The following GALNT13 variants were observed in gnomAD, a reference collection of about 807,000 sequenced individuals.
GALNT13 encodes the protein polypeptide N-acetylgalactosaminyltransferase 13.
Under a neutral mutation model 64.2 loss-of-function variants are expected in GALNT13, and 28 were observed. That is an observed-to-expected ratio of 0.44 (90% CI 0.32 to 0.60). The LOEUF (loss-of-function observed/expected upper bound fraction) is 0.60. GALNT13 is among the 20% of genes least tolerant of loss of function. GALNT13 has a pLI of 0.05. For synonymous variants in GALNT13, 214 were observed against 224.6 expected (o/e 0.95, Z 0.42); for missense variants, 577 against 669.8 (o/e 0.86, Z 1.53).
chr2:153,316,438 C>T, the GALNT13 span, among the ~76,000 whole-genome samples: 2 of 151,256 alleles, frequency 1.3e-5, no homozygotes, highest in Admixed American at 6.6e-5. Context: ...GTCAGGAGAT[C>T]GAGACCATCC....
intron 12 of GALNT13, chr2:154,446,659 A>G (rs1277959300): frequency 1.3e-6 from 2 of 1,548,808 alleles, no homozygotes; most frequent in South Asian, 1.2e-5. Flanking sequence ...GAAACCTGTA[A>G]TGATAGCACT....
At chr2:153,297,370 T>C in the GALNT13 span, among the ~76,000 whole-genome samples, 6 of 152,142 alleles carry the variant, frequency 3.9e-5, no homozygotes, top group Admixed American at 2.6e-4. Context: ...GTGAGGATAA[T>C]TTAAGACACG....
At chr2:154,273,979 T>C (rs1049790590) in intron 8 of GALNT13, among the ~76,000 whole-genome samples, 8 of 151,856 alleles carry the variant, frequency 5.3e-5, no homozygotes, top group Non-Finnish European at 1.0e-4. Context: ...TATAAGAAGG[T>C]TTTTTCTCAT....
intron 9 of GALNT13, among the ~76,000 whole-genome samples, chr2:154,374,960 AAATAT>A (rs1267415566): frequency 6.6e-6 from 1 of 152,176 alleles, no homozygotes; most frequent in African/African-American, 2.4e-5. Flanking sequence ...AGGGAAATGT[AAATAT>A]AATCTATAGT....
intron 11 of GALNT13, among the ~76,000 whole-genome samples, chr2:154,428,434 C>T (rs772812092): frequency 3.3e-5 from 5 of 152,078 alleles, no homozygotes; most frequent in African/African-American, 7.2e-5. Context: ...GAAATCAAAA[C>T]CTATATGATA....
intron 9 of GALNT13, among the ~76,000 whole-genome samples, chr2:154,360,254 T>C (rs1236355132): frequency 6.6e-6 from 1 of 152,184 alleles, no homozygotes; most frequent in East Asian, 1.9e-4. Flanking sequence ...GAAATATCAT[T>C]AACATTTATA....
At chr2:153,543,569 G>A in the GALNT13 span, among the ~76,000 whole-genome samples, 1 of 152,200 alleles carries the variant, frequency 6.6e-6, no homozygotes, top group Admixed American at 6.5e-5. Context: ...GAGATGGAAT[G>A]CTTCAGAAAG....
At chr2:153,476,739 A>C in the GALNT13 span, among the ~76,000 whole-genome samples, 1 of 152,222 alleles carries the variant, frequency 6.6e-6, no homozygotes, top group Non-Finnish European at 1.5e-5. Context: ...TTTTGCTAGA[A>C]AAAGTAATAT....
chr2:154,214,640 T>C (rs1433328912), intron 4 of GALNT13, among the ~76,000 whole-genome samples: 1 of 152,086 alleles, frequency 6.6e-6, no homozygotes, highest in Non-Finnish European at 1.5e-5. Context: ...ATAAGGCTCT[T>C]CCCCCTTCAC....
At chr2:153,896,124 G>T in intron 1 of GALNT13, among the ~76,000 whole-genome samples, 1 of 126,280 alleles carries the variant, frequency 7.9e-6, no homozygotes, top group Non-Finnish European at 1.7e-5. Flanking sequence ...TGCCACTTTC[G>T]ATTTAGAAAA....
intron 9 of GALNT13, among the ~76,000 whole-genome samples, chr2:154,367,973 T>C (rs1052111894): frequency 9.2e-5 from 14 of 152,156 alleles, no homozygotes; most frequent in Admixed American, 9.2e-4. Flanking sequence ...AGAACTATAG[T>C]TGAATAAAAA....
At chr2:153,443,139 T>C in the GALNT13 span, among the ~76,000 whole-genome samples, 1 of 152,184 alleles carries the variant, frequency 6.6e-6, no homozygotes, top group African/African-American at 2.4e-5. Context: ...TCCAAATGGC[T>C]GCCCAGTTTT....
chr2:153,817,996 A>G, the GALNT13 span, among the ~76,000 whole-genome samples: 3 of 152,168 alleles, frequency 2.0e-5, no homozygotes, highest in Non-Finnish European at 4.4e-5. Context: ...CTTCAGGTGT[A>G]TCATCTAAGA....
chr2:153,347,537 G>A, the GALNT13 span, among the ~76,000 whole-genome samples: 1 of 152,146 alleles, frequency 6.6e-6, no homozygotes, highest in African/African-American at 2.4e-5. Flanking sequence ...AACTGAAGTT[G>A]ATGAAATTAC....
At chr2:154,050,795 C>T (rs941388986) in intron 3 of GALNT13, among the ~76,000 whole-genome samples, 16 of 152,208 alleles carry the variant, frequency 1.1e-4, no homozygotes, top group African/African-American at 3.9e-4. Flanking sequence ...TACACACTCA[C>T]CATCTTCAAA....
At chr2:153,492,549 G>T in the GALNT13 span, among the ~76,000 whole-genome samples, 1 of 152,136 alleles carries the variant, frequency 6.6e-6, no homozygotes, top group Admixed American at 6.5e-5. Flanking sequence ...GCATTAACCA[G>T]CTACATCTCC....
At chr2:154,370,834 G>C (rs965468095) in intron 9 of GALNT13, among the ~76,000 whole-genome samples, 1 of 152,022 alleles carries the variant, frequency 6.6e-6, no homozygotes, top group South Asian at 2.1e-4. Context: ...AAATCCACTG[G>C]ACTAAATGAG....
At chr2:153,096,942 C>T in the GALNT13 span, among the ~76,000 whole-genome samples, 1 of 151,842 alleles carries the variant, frequency 6.6e-6, no homozygotes, top group Non-Finnish European at 1.5e-5. Context: ...TCTTCTTTTC[C>T]TTCTTTCATT....
chr2:153,519,286 C>G, the GALNT13 span, among the ~76,000 whole-genome samples: 3 of 152,140 alleles, frequency 2.0e-5, no homozygotes, highest in African/African-American at 7.2e-5. Context: ...CAGAGTTAAT[C>G]TATCAATCCT....
Sources: gnomAD v4.1 joint callset for allele counts (sites outside exome capture counted in the v4.1 genomes callset) on GRCh38, gnomAD v4.1.1 for gene constraint, MANE v1.5 for transcripts, NCBI Gene and HGNC (gene_info 2026-07-23, HGNC 2026-07-21) for gene names.